MITF: variants seen among roughly 807,000 people sequenced by gnomAD.
MITF encodes the protein melanocyte inducing transcription factor.
Under a neutral mutation model 60.5 loss-of-function variants are expected in MITF, and 17 were observed. The ratio of observed to expected loss-of-function variants is 0.28; its 90% CI spans 0.19 to 0.42. MITF has a LOEUF of 0.42. Among genes scored for constraint, MITF ranks in the 10% least tolerant of loss-of-function variants. The pLI is 1.00. For synonymous variants in MITF, 260 were observed against 248.5 expected (o/e 1.05, Z -0.43); for missense variants, 622 against 683.5 (o/e 0.91, Z 1.00).
intron 2 of MITF, among the ~76,000 whole-genome samples, chr3:69,933,487 C>T (rs1193964484): frequency 6.6e-6 from 1 of 152,090 alleles, no homozygotes; most frequent in Non-Finnish European, 1.5e-5. Context: ...GGAGGTGATC[C>T]ATTCCGATTC....
chr3:69,915,063 G>A (rs17006597), intron 2 of MITF, among the ~76,000 whole-genome samples: 2,381 of 152,270 alleles, frequency 0.016, 29 homozygotes, highest in Middle Eastern at 0.051. Flanking sequence ...TACGAGAAGT[G>A]TATTCCTTTA....
At chr3:69,772,603 A>G (rs1394537210) in intron 1 of MITF, among the ~76,000 whole-genome samples, 1 of 152,184 alleles carries the variant, frequency 6.6e-6, no homozygotes, top group Non-Finnish European at 1.5e-5. Flanking sequence ...GATTGCTTTG[A>G]CAAGTCTTTA....
At chr3:69,836,925 G>A (rs528094541) in intron 1 of MITF, among the ~76,000 whole-genome samples, 2 of 152,252 alleles carry the variant, frequency 1.3e-5, no homozygotes, top group South Asian at 2.1e-4. Flanking sequence ...TTCCCCCAGC[G>A]TGTTGTAGAA....
intron 2 of MITF, among the ~76,000 whole-genome samples, chr3:69,894,442 T>C (rs543989474): frequency 6.6e-6 from 1 of 152,320 alleles, no homozygotes; most frequent in East Asian, 1.9e-4. Context: ...CCCCAGTGCT[T>C]TGGGAGGCCG....
chr3:69,851,259 C>T (rs992120082), intron 1 of MITF, among the ~76,000 whole-genome samples: 2 of 152,042 alleles, frequency 1.3e-5, no homozygotes, highest in African/African-American at 4.8e-5. Context: ...TATACTTTTC[C>T]TATAGGTTTC....
rs2065885744 is a variant in MITF, at chr3:69,938,066, C to T, written c.582+17C>T. 1.2e-6 allele frequency: 2 copies of T among 1,605,788 alleles called. No homozygotes were observed. The highest frequency in any genetic ancestry group is 2.2e-5 in the East Asian group (1 of 44,760). ...GAAAAAGAGGTAATTCATGTCTCCT[C>T]TCCTCTCCTGTTTTCTTATGCTAAA... On this transcript the variant is annotated intron_variant, in intron 3 of 9. Coordinates refer to ENST00000352241, the MANE Select transcript of MITF (RefSeq NM_001354604.2).
chr3:69,837,163 A>G (rs932101548), intron 1 of MITF, among the ~76,000 whole-genome samples: 2 of 152,206 alleles, frequency 1.3e-5, no homozygotes, highest in East Asian at 1.9e-4. Context: ...GCTAGCTACA[A>G]GAGAGTCTGG....
At chr3:69,853,303 C>T (rs1051028249) in intron 1 of MITF, among the ~76,000 whole-genome samples, 2 of 152,106 alleles carry the variant, frequency 1.3e-5, no homozygotes, top group Admixed American at 6.5e-5. Flanking sequence ...TAAGAGATAC[C>T]TCTGACCCTG....
intron 5 of MITF, among the ~76,000 whole-genome samples, chr3:69,947,498 A>G (rs2066127650): frequency 6.6e-6 from 1 of 152,208 alleles, no homozygotes; most frequent in Admixed American, 6.5e-5. Flanking sequence ...ACTTAGTGAA[A>G]TGACAGCTAA....
chr3:69,860,426 G>C (rs892800866), intron 1 of MITF, among the ~76,000 whole-genome samples: 2 of 152,002 alleles, frequency 1.3e-5, no homozygotes, highest in African/African-American at 2.4e-5. Context: ...AACCCCCCGT[G>C]TCTACTAAAA....
chr3:69,869,115 G>A (rs1268387936), intron 1 of MITF, among the ~76,000 whole-genome samples: 1 of 152,148 alleles, frequency 6.6e-6, no homozygotes, highest in Non-Finnish European at 1.5e-5. Flanking sequence ...CAACTCTAAG[G>A]TTCTAGTATT....
Position 69,938,540 on chromosome 3 carries a change from G to A in MITF, c.582+491G>A, listed in dbSNP as rs145438735. ...TGCATGGATGGATTTGAATCATATA[G>A]CACATGAGACTTTAACGGAAACGCA... On this transcript the variant is annotated intron_variant, in intron 3 of 9. Coordinates refer to ENST00000352241, the MANE Select transcript of MITF (RefSeq NM_001354604.2). The A allele has an allele frequency of 0.014, 20,208 of 1,422,410 alleles. 195 individuals carry two copies. The highest frequency in any genetic ancestry group is 0.016 in the Non-Finnish European group (17,903 of 1,089,130). 88.1% of individuals were successfully genotyped at this position (1,422,410 alleles called of 1,614,324 possible). A position where few individuals can be genotyped will look rare whatever the true frequency, so the allele number is the denominator to read the frequency against.
intron 1 of MITF, among the ~76,000 whole-genome samples, chr3:69,842,158 T>C (rs1463474570): frequency 6.6e-6 from 1 of 152,212 alleles, no homozygotes; most frequent in Non-Finnish European, 1.5e-5. Context: ...AGATTTTATG[T>C]AAAATCCAAG....
chr3:69,752,992 T>G (rs1337638867), intron 1 of MITF, among the ~76,000 whole-genome samples: 4 of 152,218 alleles, frequency 2.6e-5, no homozygotes, highest in African/African-American at 9.6e-5. Context: ...GGCCAAGTGC[T>G]AACATCCAAC....
At chr3:69,858,054 T>G (rs1281407909) in intron 1 of MITF, among the ~76,000 whole-genome samples, 1 of 152,142 alleles carries the variant, frequency 6.6e-6, no homozygotes, top group Non-Finnish European at 1.5e-5. Context: ...AGGCATTATT[T>G]TTTTAAGAAC....
intron 2 of MITF, among the ~76,000 whole-genome samples, chr3:69,907,464 C>T (rs74483576): frequency 0.015 from 2,327 of 152,284 alleles, 28 homozygotes; most frequent in Middle Eastern, 0.051. Flanking sequence ...ACAACTCTTT[C>T]TTCATGAAAG....
chr3:69,764,607 G>GGAGT (rs1235181703), intron 1 of MITF, among the ~76,000 whole-genome samples: 1 of 152,144 alleles, frequency 6.6e-6, no homozygotes, highest in Non-Finnish European at 1.5e-5. Context: ...CCCAGACAGA[G>GGAGT]GAGTCTCACT....
intron 5 of MITF, among the ~76,000 whole-genome samples, chr3:69,942,884 G>A (rs960766528): frequency 1.3e-5 from 2 of 151,954 alleles, no homozygotes; most frequent in African/African-American, 4.8e-5. Flanking sequence ...ATTAGCAATG[G>A]CCCAGTCATC....
Position 69,941,991 on chromosome 3 carries a change from TTTAAAC to T in MITF, c.762+662_762+667del, listed in dbSNP as rs144366720. 3.1e-3 allele frequency among the ~76,000 whole-genome samples: 475 copies of T among 152,294 alleles called. 3 individuals carry two copies. The highest frequency in any genetic ancestry group is 0.011 in the African/African-American group (440 of 41,566). On this transcript the variant is annotated intron_variant, in intron 5 of 9. Transcript: ENST00000352241. ...TTCGGATGGTATCATTGCCCTCAGT[TTTAAAC>T]TGTAACTAGGTTAGACAGTCTTACG...
Sources: gnomAD v4.1 joint callset for allele counts (sites outside exome capture counted in the v4.1 genomes callset) on GRCh38, gnomAD v4.1.1 for gene constraint, MANE v1.5 for transcripts, NCBI Gene and HGNC (gene_info 2026-07-23, HGNC 2026-07-21) for gene names.